DOCK1: variants seen among roughly 807,000 people sequenced by gnomAD.
DOCK1 encodes the protein dedicator of cytokinesis 1.
In DOCK1, 138 loss-of-function variants were observed where a neutral mutation model predicts 262.7. The observed-to-expected ratio is 0.53, with a 90% CI of 0.46 to 0.61. DOCK1 has a LOEUF of 0.61. DOCK1 is among the 20% of genes least tolerant of loss of function. The probability of loss-of-function intolerance (pLI) is 0.00; values close to 1 mark genes in which losing one functional copy is unlikely to be tolerated. For synonymous variants in DOCK1, 866 were observed against 867.4 expected (o/e 1.00, Z 0.03); for missense variants, 1,908 against 2,370.7 (o/e 0.80, Z 4.05).
intron 23 of DOCK1, among the ~76,000 whole-genome samples, chr10:127,077,129 T>C (rs1309199177): frequency 6.6e-6 from 1 of 152,170 alleles, no homozygotes; most frequent in Non-Finnish European, 1.5e-5. Context: ...GCGCGGTGGC[T>C]TATGCCTGTA....
chr10:127,142,313 G>A (rs1467456150), intron 27 of DOCK1, among the ~76,000 whole-genome samples: 1 of 152,174 alleles, frequency 6.6e-6, no homozygotes, highest in Non-Finnish European at 1.5e-5. Flanking sequence ...CTGTGGCTTT[G>A]CACAGTCCCC....
chr10:126,915,545 A>G (rs1306931541), intron 1 of DOCK1, among the ~76,000 whole-genome samples: 2 of 152,096 alleles, frequency 1.3e-5, no homozygotes, highest in African/African-American at 4.8e-5. Context: ...CAGCCTCCCA[A>G]GTAGCTGGGA....
At chr10:126,956,881 C>T (rs1050784175) in intron 1 of DOCK1, among the ~76,000 whole-genome samples, 20 of 150,524 alleles carry the variant, frequency 1.3e-4, no homozygotes, top group South Asian at 8.3e-4. Flanking sequence ...TTTGCCTGAG[C>T]AGTGGGGGGC....
chr10:127,302,745 T>C (rs1342822151), intron 29 of DOCK1, among the ~76,000 whole-genome samples: 1 of 96,936 alleles, frequency 1.0e-5, no homozygotes, highest in Non-Finnish European at 1.9e-5. Context: ...AGAGGGGGTG[T>C]GTGTGTGTGT....
At chr10:127,165,660 A>G (rs922608739) in intron 27 of DOCK1, among the ~76,000 whole-genome samples, 2 of 152,168 alleles carry the variant, frequency 1.3e-5, no homozygotes, top group Admixed American at 6.5e-5. Flanking sequence ...AGGAAGGAAG[A>G]GCCAGACAGG....
chr10:126,949,421 C>T (rs1395286173), intron 1 of DOCK1, among the ~76,000 whole-genome samples: 1 of 152,140 alleles, frequency 6.6e-6, no homozygotes, highest in Non-Finnish European at 1.5e-5. Context: ...TGGCAGTGAA[C>T]ACACCTACCA....
At chr10:127,307,645 G>T (rs2061923884) in intron 29 of DOCK1, among the ~76,000 whole-genome samples, 1 of 152,194 alleles carries the variant, frequency 6.6e-6, no homozygotes, top group Admixed American at 6.5e-5. Context: ...CCCTGGGTGG[G>T]CCTGGCTTCG....
chr10:127,413,602 G>A (rs2067985604), intron 43 of DOCK1, among the ~76,000 whole-genome samples: 1 of 152,210 alleles, frequency 6.6e-6, no homozygotes, highest in Non-Finnish European at 1.5e-5. Context: ...CGAGGAGGAA[G>A]ATGAGACAGG....
At chr10:127,197,470 C>T (rs554021305) in intron 27 of DOCK1, among the ~76,000 whole-genome samples, 37 of 152,268 alleles carry the variant, frequency 2.4e-4, no homozygotes, top group Middle Eastern at 6.8e-3. Flanking sequence ...GGGTCTGGGC[C>T]AGGGACTAAG....
At chr10:127,276,420 G>A (rs1185027563) in intron 29 of DOCK1, among the ~76,000 whole-genome samples, 3 of 152,170 alleles carry the variant, frequency 2.0e-5, no homozygotes, top group African/African-American at 7.2e-5. Flanking sequence ...CTGTCTTTGA[G>A]TGCAGTTCTG....
chr10:127,350,535 T>TA (rs1317402036), intron 31 of DOCK1, among the ~76,000 whole-genome samples: 4 of 152,228 alleles, frequency 2.6e-5, no homozygotes, highest in Admixed American at 6.5e-5. Context: ...AGCCCACTGT[T>TA]ACATTTTCTC....
At chr10:127,046,867 C>T (rs1363593684) in intron 21 of DOCK1, among the ~76,000 whole-genome samples, 1 of 151,716 alleles carries the variant, frequency 6.6e-6, no homozygotes, top group African/African-American at 2.4e-5. Context: ...TGTCTTATTC[C>T]ATAACCTGAG....
At chr10:126,983,782 C>T (rs1315567767) in intron 4 of DOCK1, among the ~76,000 whole-genome samples, 1 of 152,218 alleles carries the variant, frequency 6.6e-6, no homozygotes, top group Admixed American at 6.5e-5. Context: ...CATTCTCAGA[C>T]ATCCCAAATG....
chr10:127,145,071 C>CT (rs1716181302), intron 27 of DOCK1, among the ~76,000 whole-genome samples: 1 of 152,188 alleles, frequency 6.6e-6, no homozygotes, highest in African/African-American at 2.4e-5. Context: ...CGTGACCATA[C>CT]TGGAGAACTT....
At position 127,032,145 on chromosome 10, in the gene DOCK1, A is replaced by G. The variant is rs2229597; in HGVS notation, c.1737A>G (p.Ala579=). ...EHDLIVYKAE[A]KKLEDAATYL... The stretch of plus-strand genomic sequence containing the variant: ...CATGACTAAATCCACAGGCCGAAGC[A>G]AAGAAGCTGGAAGATGCTGCCACGT... The change falls in exon 18 of 52, where the codon GCA becomes GCG. Residue 579 remains alanine, a synonymous_variant. Coordinates refer to ENST00000623213, the MANE Select transcript of DOCK1 (RefSeq NM_001290223.2). 0.2 allele frequency: 315,698 copies of G among 1,589,944 alleles called. 32,620 individuals carry two copies. The highest frequency in any genetic ancestry group is 0.21 in the Non-Finnish European group (250,727 of 1,167,896).
At chr10:126,918,305 C>T (rs2032748022) in intron 1 of DOCK1, among the ~76,000 whole-genome samples, 1 of 151,830 alleles carries the variant, frequency 6.6e-6, no homozygotes, top group Admixed American at 6.6e-5. Context: ...CACCAGCGTG[C>T]AGCGGGGGCT....
intron 45 of DOCK1, among the ~76,000 whole-genome samples, 152 bp downstream of exon 45, chr10:127,418,693 C>T (rs891971840): frequency 2.0e-5 from 3 of 152,212 alleles, no homozygotes; most frequent in Non-Finnish European, 4.4e-5. Flanking sequence ...CAGCCAGTGG[C>T]GGCCCCTGAA....
chr10:126,959,114 A>G (rs1368052021), intron 1 of DOCK1, among the ~76,000 whole-genome samples: 3 of 152,216 alleles, frequency 2.0e-5, no homozygotes, highest in African/African-American at 7.2e-5. Context: ...GAACTGGGAT[A>G]GATAGAAAGG....
intron 18 of DOCK1, among the ~76,000 whole-genome samples, chr10:127,034,504 C>T (rs957815641): frequency 6.6e-6 from 1 of 152,154 alleles, no homozygotes; most frequent in Non-Finnish European, 1.5e-5. Flanking sequence ...ATCATGTGGT[C>T]AGCAGTGCGG....
Sources: gnomAD v4.1 joint callset for allele counts (sites outside exome capture counted in the v4.1 genomes callset) on GRCh38, gnomAD v4.1.1 for gene constraint, MANE v1.5 for transcripts, NCBI Gene and HGNC (gene_info 2026-07-23, HGNC 2026-07-21) for gene names.